Variants in SHISA9 observed in about 807,000 individuals in gnomAD.
SHISA9 encodes protein shisa-9.
Under a neutral mutation model 38.0 loss-of-function variants are expected in SHISA9, and 13 were observed. The ratio of observed to expected loss-of-function variants is 0.34; its 90% CI spans 0.22 to 0.54. The LOEUF is 0.54. Ranked by LOEUF, SHISA9 falls within the 20% of genes least tolerant of loss-of-function variation. The pLI is 0.91. For missense variants in SHISA9, 538 were observed against 575.8 expected (o/e 0.93, Z 0.67); for synonymous variants, 275 against 242.0 (o/e 1.14, Z -1.27).
the SHISA9 span, among the ~76,000 whole-genome samples, chr16:13,490,822 A>G: frequency 6.6e-6 from 1 of 152,256 alleles, no homozygotes; most frequent in African/African-American, 2.4e-5. Flanking sequence ...CATGTCAGAG[A>G]AACCAACCAA....
intron 2 of SHISA9, among the ~76,000 whole-genome samples, chr16:13,072,615 G>C (rs2073531466): frequency 6.6e-6 from 1 of 152,060 alleles, no homozygotes; most frequent in Admixed American, 6.5e-5. Context: ...CTATGATCAA[G>C]TCAGTCAAAA....
chr16:12,978,690 C>A (rs1323808690), intron 2 of SHISA9, among the ~76,000 whole-genome samples: 1 of 152,214 alleles, frequency 6.6e-6, no homozygotes, highest in Non-Finnish European at 1.5e-5. Flanking sequence ...GGCTTGACAT[C>A]ATCGTAGACC....
chr16:13,123,168 A>G (rs779956854), intron 2 of SHISA9, among the ~76,000 whole-genome samples: 1 of 151,542 alleles, frequency 6.6e-6, no homozygotes, highest in African/African-American at 2.4e-5. Context: ...TTGGGTCCAA[A>G]TCTTCCTGAG....
chr16:12,977,794 A>G (rs1191091310), intron 2 of SHISA9, among the ~76,000 whole-genome samples: 2 of 151,994 alleles, frequency 1.3e-5, no homozygotes, highest in East Asian at 1.9e-4. Context: ...AGGGAGGGGA[A>G]CAACACACAC....
the SHISA9 span, among the ~76,000 whole-genome samples, chr16:13,449,399 A>C: frequency 6.6e-6 from 1 of 152,208 alleles, no homozygotes; most frequent in South Asian, 2.1e-4. Flanking sequence ...GTGTTACTTT[A>C]AAAATCTAAT....
At chr16:12,991,401 T>C (rs912774233) in intron 2 of SHISA9, among the ~76,000 whole-genome samples, 2 of 152,100 alleles carry the variant, frequency 1.3e-5, no homozygotes, top group East Asian at 3.8e-4. Context: ...CTGTCAGATA[T>C]AGAGAGGTCA....
At chr16:13,065,318 C>A (rs988601699) in intron 2 of SHISA9, among the ~76,000 whole-genome samples, 3 of 152,188 alleles carry the variant, frequency 2.0e-5, no homozygotes, top group Non-Finnish European at 4.4e-5. Flanking sequence ...AAACCCATCT[C>A]CTTACCCCTA....
At chr16:13,328,142 C>T in the SHISA9 span, among the ~76,000 whole-genome samples, 1 of 152,150 alleles carries the variant, frequency 6.6e-6, no homozygotes, top group Non-Finnish European at 1.5e-5. Context: ...ATTTCAAACT[C>T]GGCCTCGAGC....
intron 2 of SHISA9, among the ~76,000 whole-genome samples, chr16:12,954,121 G>A (rs1361461254): frequency 6.6e-6 from 1 of 152,158 alleles, no homozygotes; most frequent in East Asian, 1.9e-4. Flanking sequence ...CTTGAAGGAC[G>A]AGTTTGCAGG....
chr16:13,076,094 G>C (rs968889329), intron 2 of SHISA9, among the ~76,000 whole-genome samples: 2 of 149,858 alleles, frequency 1.3e-5, no homozygotes, highest in Non-Finnish European at 1.5e-5. Flanking sequence ...GCAGTGGCGC[G>C]ATCTTGGCTT....
chr16:12,961,861 C>A (rs1445089378), intron 2 of SHISA9, among the ~76,000 whole-genome samples: 1 of 152,216 alleles, frequency 6.6e-6, no homozygotes, highest in Non-Finnish European at 1.5e-5. Flanking sequence ...GGTGTGATCA[C>A]ACACACCTGC....
At chr16:13,429,388 C>T in the SHISA9 span, among the ~76,000 whole-genome samples, 95 of 152,278 alleles carry the variant, frequency 6.2e-4, no homozygotes, top group Middle Eastern at 3.4e-3. Flanking sequence ...TCTCACAGCT[C>T]TCTGTGGTTT....
the SHISA9 span, among the ~76,000 whole-genome samples, chr16:13,315,105 G>A: frequency 6.6e-6 from 1 of 152,098 alleles, no homozygotes; most frequent in African/African-American, 2.4e-5. Flanking sequence ...TGGCATCTCA[G>A]ATGCAGCAAA....
chr16:13,084,534 G>C (rs2073689379), intron 2 of SHISA9, among the ~76,000 whole-genome samples: 1 of 152,206 alleles, frequency 6.6e-6, no homozygotes, highest in Non-Finnish European at 1.5e-5. Context: ...TATTGTACTA[G>C]GTGGTGGGGG....
At chr16:13,259,754 A>G in the SHISA9 span, among the ~76,000 whole-genome samples, 2 of 152,252 alleles carry the variant, frequency 1.3e-5, no homozygotes, top group South Asian at 2.1e-4. Flanking sequence ...ATGGCTGGAA[A>G]GGCTGGGACA....
At position 13,204,210 on chromosome 16, in the gene SHISA9, GTCTATCTATCTATCTATCTA is replaced by G. The variant is rs199860829; in HGVS notation, c.847+682_847+701del. ...CTATCTACCTATTATCTGTCTGTCT[GTCTATCTATCTATCTATCTA>G]TCTATCTATCTATCTATCTACCCAT... On this transcript the variant is annotated intron_variant, in intron 3 of 4. Transcript: ENST00000558583. Among the ~76,000 whole-genome samples, 605 of 141,106 alleles carry G rather than the reference GTCTATCTATCTATCTATCTA, an allele frequency of 4.3e-3. 1 individual carries two copies. The highest frequency in any genetic ancestry group is 7.4e-3 in the Non-Finnish European group (473 of 63,940). 92.6% of individuals were successfully genotyped at this position (141,106 alleles called of 152,430 possible).
At chr16:13,289,869 A>T in the SHISA9 span, among the ~76,000 whole-genome samples, 1 of 152,210 alleles carries the variant, frequency 6.6e-6, no homozygotes, top group Non-Finnish European at 1.5e-5. Context: ...GCTAGTTTGA[A>T]TTGTGTTTAT....
At chr16:13,315,546 C>A in the SHISA9 span, among the ~76,000 whole-genome samples, 14 of 152,322 alleles carry the variant, frequency 9.2e-5, no homozygotes, top group African/African-American at 3.4e-4. Flanking sequence ...AGAGCATGGA[C>A]TTGAGACAAA....
chr16:13,423,158 A>T, the SHISA9 span, among the ~76,000 whole-genome samples: 1 of 152,304 alleles, frequency 6.6e-6, no homozygotes, highest in South Asian at 2.1e-4. Context: ...ATCTTCTCTG[A>T]ACAGTGGCAT....
Sources: gnomAD v4.1 joint callset for allele counts (sites outside exome capture counted in the v4.1 genomes callset) on GRCh38, gnomAD v4.1.1 for gene constraint, MANE v1.5 for transcripts, NCBI Gene and HGNC (gene_info 2026-07-23, HGNC 2026-07-21) for gene names.